ZFHX3: variants seen among roughly 807,000 people sequenced by gnomAD.
The protein encoded by ZFHX3 is zinc finger homeobox protein 3.
A neutral mutation model predicts 279.1 loss-of-function variants in ZFHX3; 42 were observed. The observed-to-expected ratio is 0.15, with a 90% CI of 0.12 to 0.19. The LOEUF is 0.19. Ranked by LOEUF, ZFHX3 falls within the 10% of genes least tolerant of loss-of-function variation. The pLI is 1.00. For synonymous variants in ZFHX3, 2,293 were observed against 1,957.8 expected (o/e 1.17, Z -4.52); for missense variants, 4,981 against 4,754.0 (o/e 1.05, Z -1.40).
At chr16:72,842,273 A>T (rs1289181966) in intron 4 of ZFHX3, among the ~76,000 whole-genome samples, 1 of 151,356 alleles carries the variant, frequency 6.6e-6, no homozygotes, top group East Asian at 1.9e-4. Context: ...GCTGGAGTGC[A>T]GTGGCACCAT....
intron 5 of ZFHX3, among the ~76,000 whole-genome samples, chr16:73,205,485 C>T (rs1427601351): frequency 1.3e-5 from 2 of 152,100 alleles, no homozygotes; most frequent in African/African-American, 4.8e-5. Flanking sequence ...AAATAGGAAG[C>T]GAGCAATTGG....
At chr16:73,723,948 G>C (rs889452440) in intron 1 of ZFHX3, among the ~76,000 whole-genome samples, 11 of 152,288 alleles carry the variant, frequency 7.2e-5, no homozygotes, top group Non-Finnish European at 1.3e-4. Context: ...GGCAGCTTTG[G>C]CAGCATAGTA....
At chr16:72,996,194 G>A (rs1475924393) in intron 1 of ZFHX3, among the ~76,000 whole-genome samples, 1 of 152,118 alleles carries the variant, frequency 6.6e-6, no homozygotes, top group East Asian at 1.9e-4. Context: ...TCAGGCAGAA[G>A]AATCACTTGA....
chr16:73,037,541 C>G (rs1306811993), intron 1 of ZFHX3, among the ~76,000 whole-genome samples: 1 of 152,130 alleles, frequency 6.6e-6, no homozygotes, highest in Non-Finnish European at 1.5e-5. Context: ...ATGAAAGAAA[C>G]CTGGGGCTTG....
In ZFHX3 at chr16:72,793,887, C is replaced by A. The variant is rs2035800166; in HGVS notation, c.8795G>T (p.Gly2932Val). 1 of 1,614,182 alleles carries A rather than the reference C, an allele frequency of 6.2e-7. No homozygotes were observed. The highest frequency in any genetic ancestry group is 2.2e-5 in the East Asian group (1 of 44,870). Reference protein sequence around the residue: ...DPCSPSPGASGSAGKSGDSGD... With the variant: ...DPCSPSPGASVSAGKSGDSGD... ...GCTGTCACCAGATTTGCCTGCAGAT[C>A]CACTCGCACCAGGACTCGGGGAGCA... The change falls in exon 9 of 10, where the codon GGA becomes GTA. Residue 2932 changes from glycine (G) to valine (V), a missense_variant. Gly to Val is a moderately radical substitution (Grantham distance 109, BLOSUM62 -3). Coordinates refer to ENST00000268489, the MANE Select transcript of ZFHX3 (RefSeq NM_006885.4). The surrounding 1 kb of genome is among the most constrained non-coding windows in gnomAD (Gnocchi z 4.3).
In ZFHX3 at chr16:73,116,576, T is replaced by A. The variant is rs934202002; in HGVS notation, c.-897+14392A>T. ...TACCTGGGGATGCAGACCATGTACC[T>A]ATCAAAGCTTAGTTTAGCAGAAAAA... On this transcript the variant is annotated intron_variant, in intron 7 of 17. Coordinates refer to the ZFHX3 transcript ENST00000641206. Among the ~76,000 whole-genome samples, 13 of 152,268 alleles carry A rather than the reference T, an allele frequency of 8.5e-5. 1 individual carries two copies. Among genetic ancestry groups the A allele is most frequent in the Admixed American group, 2.6e-4 (4 of 15,290 alleles).
intron 3 of ZFHX3, among the ~76,000 whole-genome samples, chr16:73,332,111 G>A (rs189157604): frequency 5.9e-5 from 9 of 152,104 alleles, no homozygotes; most frequent in South Asian, 2.1e-4. Context: ...CTTTTTCAAG[G>A]TTCCTTCTCA....
At chr16:73,354,407 C>T (rs1405633577) in intron 3 of ZFHX3, among the ~76,000 whole-genome samples, 1 of 152,160 alleles carries the variant, frequency 6.6e-6, no homozygotes, top group Non-Finnish European at 1.5e-5. Context: ...TAACTGGCTG[C>T]AAATCCAAAG....
intron 3 of ZFHX3, among the ~76,000 whole-genome samples, chr16:73,386,136 A>G (rs1310399861): frequency 1.3e-5 from 2 of 152,012 alleles, no homozygotes; most frequent in African/African-American, 4.8e-5. Flanking sequence ...CATCTTCTTG[A>G]CCCTAAAGTA....
chr16:72,874,186 G>C (rs1182211031), intron 4 of ZFHX3, among the ~76,000 whole-genome samples: 1 of 140,734 alleles, frequency 7.1e-6, no homozygotes, highest in Non-Finnish European at 1.5e-5. Context: ...AGCTCAGATG[G>C]AGGATTTTTT....
At chr16:73,124,650 G>A (rs1966540552) in intron 7 of ZFHX3, among the ~76,000 whole-genome samples, 1 of 152,162 alleles carries the variant, frequency 6.6e-6, no homozygotes, top group Non-Finnish European at 1.5e-5. Context: ...ATCTGTATTA[G>A]GATAACTTGA....
chr16:73,667,336 G>A (rs915367562), intron 2 of ZFHX3, among the ~76,000 whole-genome samples: 85 of 152,174 alleles, frequency 5.6e-4, no homozygotes, highest in Admixed American at 5.3e-3. Context: ...ACACCTGGAC[G>A]GTTTCCAGGT....
intron 2 of ZFHX3, chr16:73,558,538 G>C (rs1596997714): frequency 6.6e-6 from 1 of 152,068 alleles, no homozygotes; most frequent in Admixed American, 6.6e-5. Context: ...AGCAGATGGG[G>C]GACAAGTCGA....
chr16:73,228,827 G>A lies in ZFHX3; in HGVS notation c.-1104+28220C>T, dbSNP rs931933082. 3.3e-5 allele frequency among the ~76,000 whole-genome samples: 5 copies of A among 152,220 alleles called. 1 individual carries two copies. The South Asian group carries it at 1.0e-3, about 32-fold the overall frequency. On this transcript the variant is annotated intron_variant, in intron 5 of 17. Coordinates refer to the ZFHX3 transcript ENST00000641206. ...CGTGGTCTCATTTCTCATGACAATG[G>A]AATCTAGAAAACTATGGTGACAGAG...
intron 8 of ZFHX3, chr16:73,093,086 C>T: frequency 1.9e-6 from 1 of 520,052 alleles, no homozygotes; most frequent in Non-Finnish European, 3.8e-6. Context: ...CCCAGAGATC[C>T]CTTCATTCTT....
intron 8 of ZFHX3, among the ~76,000 whole-genome samples, chr16:73,068,189 C>G (rs753111312): frequency 6.6e-6 from 1 of 152,178 alleles, no homozygotes; most frequent in Non-Finnish European, 1.5e-5. Flanking sequence ...CACTTAAGGT[C>G]ACACAGCTAT....
intron 3 of ZFHX3, among the ~76,000 whole-genome samples, chr16:72,937,090 G>A (rs1050647573): frequency 6.6e-6 from 1 of 152,128 alleles, no homozygotes; most frequent in Non-Finnish European, 1.5e-5. Flanking sequence ...AGCATTTGGG[G>A]GTTCTGGTCA....
intron 3 of ZFHX3, among the ~76,000 whole-genome samples, chr16:72,913,611 G>A (rs927283608): frequency 6.6e-6 from 1 of 152,064 alleles, no homozygotes; most frequent in Non-Finnish European, 1.5e-5. Context: ...TTTCTCCAAG[G>A]GTAAGTTAAC....
At chr16:72,854,718 C>T (rs1405591081) in intron 4 of ZFHX3, among the ~76,000 whole-genome samples, 2 of 151,982 alleles carry the variant, frequency 1.3e-5, no homozygotes, top group African/African-American at 4.8e-5. Flanking sequence ...CAATTAAATC[C>T]TTGAAAAACT....
Sources: gnomAD v4.1 joint callset for allele counts (sites outside exome capture counted in the v4.1 genomes callset) on GRCh38, gnomAD v4.1.1 for gene constraint, Gnocchi (gnomAD v3.1) non-coding constraint, MANE v1.5 for transcripts, NCBI Gene and HGNC (gene_info 2026-07-23, HGNC 2026-07-21) for gene names.